Variants in ATP10B observed in about 807,000 individuals in gnomAD.
ATP10B encodes ATPase phospholipid transporting 10B (putative), also known as phospholipid-transporting ATPase VB.
In ATP10B, 122 loss-of-function variants were observed where a neutral mutation model predicts 141.2. The ratio of observed to expected loss-of-function variants is 0.86; its 90% CI spans 0.75 to 1.00. ATP10B has a LOEUF of 1.00. Ranked by LOEUF, ATP10B falls within the 50% of genes least tolerant of loss-of-function variation. ATP10B has a pLI of 0.00. For synonymous variants in ATP10B, 685 were observed against 692.0 expected (o/e 0.99, Z 0.16); for missense variants, 1,876 against 1,825.3 (o/e 1.03, Z -0.51).
Position 160,620,783 on chromosome 5 carries a change from C to G in ATP10B, c.1980G>C (p.Ser660=). The change falls in exon 15 of 26, where the codon TCG becomes TCC. Residue 660 remains serine (S), a synonymous_variant. Coordinates refer to ENST00000327245, the MANE Select transcript of ATP10B (RefSeq NM_025153.3). The part of the protein sequence containing the change: ...SLGANVATTD[S]DERDDASVCS... Reference sequence around the variant, plus strand: ...ACACAGATGCATCATCTCTCTCATCCGAGTCTGTGGTGGCCACGTTGGCCC... The same window carrying G: ...ACACAGATGCATCATCTCTCTCATCGGAGTCTGTGGTGGCCACGTTGGCCC... The G allele has an allele frequency of 6.2e-7, 1 of 1,614,180 alleles. No homozygotes were observed. The highest frequency in any genetic ancestry group is 8.5e-7 in the Non-Finnish European group (1 of 1,180,040).
intron 7 of ATP10B, among the ~76,000 whole-genome samples, chr5:160,662,227 A>G (rs558126207): frequency 2.0e-4 from 31 of 152,292 alleles, no homozygotes; most frequent in African/African-American, 7.2e-4. Flanking sequence ...TGCCCAAGGT[A>G]ATTTATAGAT....
At chr5:160,647,097 T>C (rs570476974) in intron 8 of ATP10B, among the ~76,000 whole-genome samples, 30 of 152,294 alleles carry the variant, frequency 2.0e-4, no homozygotes, top group African/African-American at 6.3e-4. Context: ...CACTGCTCTG[T>C]AGAGATTCTT....
the ATP10B span, among the ~76,000 whole-genome samples, chr5:160,902,046 C>A: frequency 6.6e-6 from 1 of 152,138 alleles, no homozygotes; most frequent in African/African-American, 2.4e-5. Flanking sequence ...CAAAATATAC[C>A]TACTTCTACT....
chr5:160,730,413 C>T lies in ATP10B; in HGVS notation c.-330-13379G>A, dbSNP rs532594568. ...GCAAATAAAGATTAAGTCATAAGTC[C>T]GAGGCTACACAACCAGGAATTCATT... On this transcript the variant is annotated intron_variant, in intron 2 of 25. Coordinates refer to ENST00000327245, the MANE Select transcript of ATP10B (RefSeq NM_025153.3). 8.6e-5 allele frequency among the ~76,000 whole-genome samples: 13 copies of T among 151,930 alleles called. No individual in the cohort carries two copies. The South Asian group carries it at 1.2e-3, about 15-fold the overall frequency.
chr5:160,879,652 C>T, the ATP10B span, among the ~76,000 whole-genome samples: 1 of 151,758 alleles, frequency 6.6e-6, no homozygotes, highest in Non-Finnish European at 1.5e-5. Flanking sequence ...TCCTGGCCAA[C>T]ATAGTGAAAT....
chr5:160,670,650 A>G lies in ATP10B; in HGVS notation c.488T>C (p.Val163Ala). The change falls in exon 7 of 26, where the codon GTG becomes GCG. Residue 163 changes from valine to alanine, a missense_variant. By Grantham distance (64) the Val-to-Ala change is moderately conservative. Transcript: ENST00000327245. ...GCGCACATCCTTCCAGCACTTCTGC[A>G]CATAGGTCTGCTCTTTTCTTGGGTG... ...RIYERKEQTY[V>A]QKCWKDVRVG... is the part of the protein sequence containing the mutation. 1 of 1,613,602 alleles carries G rather than the reference A, an allele frequency of 6.2e-7. No homozygotes were observed. The highest frequency in any genetic ancestry group is 8.5e-7 in the Non-Finnish European group (1 of 1,179,816).
the ATP10B span, among the ~76,000 whole-genome samples, chr5:160,899,283 T>C: frequency 6.6e-6 from 1 of 152,076 alleles, no homozygotes; most frequent in African/African-American, 2.4e-5. Flanking sequence ...GAGCACCCCT[T>C]CTCAGGAAAA....
intron 3 of ATP10B, among the ~76,000 whole-genome samples, chr5:160,708,933 C>T (rs1765186506): frequency 6.6e-6 from 1 of 152,124 alleles, no homozygotes; most frequent in Non-Finnish European, 1.5e-5. Flanking sequence ...AGCAAGCAGA[C>T]AAATGATACA....
At chr5:160,603,569 A>G (rs550436624) in intron 20 of ATP10B, 160 of 213,538 alleles carry the variant, frequency 7.5e-4, no homozygotes, top group Non-Finnish European at 1.3e-3. Context: ...GATTGCTGGC[A>G]TATAGGAGAT....
intron 2 of ATP10B, among the ~76,000 whole-genome samples, chr5:160,743,125 C>T (rs916066284): frequency 1.6e-4 from 25 of 152,312 alleles, no homozygotes; most frequent in African/African-American, 3.6e-4. Flanking sequence ...CTGGCATTAT[C>T]GCTGCCCCAT....
At chr5:160,617,074 T>A (rs1758062815) in intron 16 of ATP10B, among the ~76,000 whole-genome samples, 1 of 152,170 alleles carries the variant, frequency 6.6e-6, no homozygotes, top group Non-Finnish European at 1.5e-5. Context: ...GCACTCCTGA[T>A]CTCTAATGCT....
chr5:160,773,179 T>C (rs1581504039), intron 2 of ATP10B, among the ~76,000 whole-genome samples: 1 of 152,226 alleles, frequency 6.6e-6, no homozygotes, highest in Non-Finnish European at 1.5e-5. Flanking sequence ...ATCTGGTTGC[T>C]AAGAATCACC....
At position 160,632,253 on chromosome 5, in the gene ATP10B, T is replaced by C. The variant is rs769487150; in HGVS notation, c.1496A>G (p.Gln499Arg). Residue 499 changes from glutamine to arginine, a missense_variant, in exon 13 of 26, where the codon CAA (glutamine) becomes CGA (arginine). Transcript: ENST00000327245. ...WAQDPATMRS[Q>R]KGAQPLRRSQ... ...CCTCCTCAGAGGCTGAGCACCTTTT[T>C]GGCTTCTCATAGTTGCTGGATCCTG... 7 of 1,614,220 alleles carry C rather than the reference T, an allele frequency of 4.3e-6. No individual in the cohort carries two copies. The highest frequency in any genetic ancestry group is 5.9e-6 in the Non-Finnish European group (7 of 1,180,034).
At chr5:160,878,593 C>G in the ATP10B span, among the ~76,000 whole-genome samples, 2 of 151,786 alleles carry the variant, frequency 1.3e-5, no homozygotes, top group Admixed American at 1.3e-4. Flanking sequence ...TCAGAGCGAA[C>G]AGGCAACCTA....
At chr5:160,754,633 G>T (rs1768388604) in intron 2 of ATP10B, among the ~76,000 whole-genome samples, 1 of 152,194 alleles carries the variant, frequency 6.6e-6, no homozygotes, top group South Asian at 2.1e-4. Flanking sequence ...GGCCACCAAT[G>T]TCACCAATGT....
intron 7 of ATP10B, among the ~76,000 whole-genome samples, chr5:160,653,736 A>G (rs191576285): frequency 4.7e-5 from 6 of 126,572 alleles, no homozygotes; most frequent in Non-Finnish European, 9.3e-5. Context: ...TATTATATAT[A>G]CATATATTAC....
chr5:160,680,344 T>C (rs186970949), intron 6 of ATP10B, among the ~76,000 whole-genome samples: 3 of 152,198 alleles, frequency 2.0e-5, no homozygotes, highest in Non-Finnish European at 4.4e-5. Flanking sequence ...TTTCCTGACA[T>C]CTGTCATGTG....
At chr5:160,905,382 T>C in the ATP10B span, among the ~76,000 whole-genome samples, 3 of 152,222 alleles carry the variant, frequency 2.0e-5, no homozygotes, top group Non-Finnish European at 4.4e-5. Context: ...GTTCTGCTTT[T>C]GGCCTGGGGC....
intron 1 of ATP10B, among the ~76,000 whole-genome samples, chr5:160,829,280 A>G (rs1469777146): frequency 6.6e-6 from 1 of 151,474 alleles, no homozygotes; most frequent in Non-Finnish European, 1.5e-5. Flanking sequence ...TTATGGTTTT[A>G]TTTCTGGTTT....
Sources: gnomAD v4.1 joint callset for allele counts (sites outside exome capture counted in the v4.1 genomes callset) on GRCh38, gnomAD v4.1.1 for gene constraint, MANE v1.5 for transcripts, NCBI Gene and HGNC (gene_info 2026-07-23, HGNC 2026-07-21) for gene names.